The following IL5RA variants were observed in gnomAD, a reference collection of about 807,000 sequenced individuals.
IL5RA encodes the protein interleukin 5 receptor subunit alpha.
IL5RA carries 49 observed loss-of-function variants against 50.0 expected under a neutral mutation model. The ratio of observed to expected loss-of-function variants is 0.98; its 90% CI spans 0.78 to 1.24. The LOEUF is 1.24. Ranked by LOEUF, IL5RA falls within the 50% of genes most tolerant of loss-of-function variation. The probability of loss-of-function intolerance (pLI) is 0.00; values close to 1 mark genes in which losing one functional copy is unlikely to be tolerated. For missense variants in IL5RA, 600 were observed against 500.4 expected (o/e 1.20, Z -1.90); for synonymous variants, 202 against 174.0 (o/e 1.16, Z -1.26).
At chr3:3,098,953 A>T (rs181304203) in intron 5 of IL5RA, among the ~76,000 whole-genome samples, 2 of 152,272 alleles carry the variant, frequency 1.3e-5, no homozygotes, top group East Asian at 3.9e-4. Flanking sequence ...TAGCTGTGAG[A>T]CATTGACCCC....
In IL5RA at chr3:3,098,157, C is replaced by T. The variant is rs767486437; in HGVS notation, c.501G>A (p.Thr167=). Residue 167 remains threonine, a synonymous_variant, in exon 6 of 12, where the codon ACG becomes ACA. Coordinates refer to ENST00000446632, the MANE Select transcript of IL5RA (RefSeq NM_175726.4). The part of the protein sequence containing the change: ...WLVGTDAPED[T]QYFLYYRYGS... ...CTAACCTATAGTAGAGAAAATACTGCGTGTCCTCAGGGGCATCTGTGCCAA... is the reference window on the plus strand; with the variant it reads ...CTAACCTATAGTAGAGAAAATACTGTGTGTCCTCAGGGGCATCTGTGCCAA... 3.7e-5 allele frequency: 60 copies of T among 1,614,104 alleles called. No individual in the cohort carries two copies. The highest frequency in any genetic ancestry group is 4.8e-5 in the Non-Finnish European group (57 of 1,180,018).
chr3:3,086,864 A>G (rs935587672), intron 9 of IL5RA, among the ~76,000 whole-genome samples: 6 of 152,366 alleles, frequency 3.9e-5, no homozygotes, highest in Middle Eastern at 3.4e-3. Flanking sequence ...AAACATACAC[A>G]ATGAAATACT....
In IL5RA at chr3:3,099,600, G is replaced by A. The variant is rs565873502; in HGVS notation, c.368-1310C>T. Among the ~76,000 whole-genome samples the A allele has an allele frequency of 3.3e-5, 5 of 151,996 alleles. No homozygotes were observed. In the East Asian group the frequency reaches 9.7e-4, roughly 29 times the overall value. ...ACCAAGATCATACCACTACACTCCA[G>A]CCTGGGCAACAGAGTGAGACCCTGT... On this transcript the variant is annotated intron_variant, in intron 5 of 11. Coordinates refer to ENST00000446632, the MANE Select transcript of IL5RA (RefSeq NM_175726.4).
rs763670010 is a variant in IL5RA, at chr3:3,074,907, T to C, written c.1092-41A>G. On this transcript the variant is annotated intron_variant, in intron 10 of 11. Coordinates refer to ENST00000446632, the MANE Select transcript of IL5RA (RefSeq NM_175726.4). ...AGAAGGAATTAGGTGAGCATGAGTATACCTTTTGTCTCTAAATATCTACTC... is the reference window on the plus strand; with the variant it reads ...AGAAGGAATTAGGTGAGCATGAGTACACCTTTTGTCTCTAAATATCTACTC... 4.9e-6 allele frequency: 6 copies of C among 1,219,820 alleles called. No individual in the cohort carries two copies. In the Admixed American group the frequency reaches 1.0e-4, roughly 21 times the overall value. The allele number at this position is 1,219,820 out of a possible 1,614,324, so 75.6% of individuals were successfully genotyped here.
chr3:3,076,382 A>G lies in IL5RA; in HGVS notation c.1091+149T>C, dbSNP rs1392821320. On this transcript the variant is annotated intron_variant, in intron 10 of 11. Coordinates refer to ENST00000446632, the MANE Select transcript of IL5RA (RefSeq NM_175726.4). ...GACATTTCCACTTTTGATTTGGCCTACACTCATCTTGGACAGGTCATCTAG... is the reference window on the plus strand; with the variant it reads ...GACATTTCCACTTTTGATTTGGCCTGCACTCATCTTGGACAGGTCATCTAG... 4.9e-6 allele frequency: 3 copies of G among 610,562 alleles called. No individual in the cohort carries two copies. The African/African-American group carries it at 5.6e-5, about 11-fold the overall frequency. The allele number at this position is 610,562 out of a possible 1,614,324, so 37.8% of individuals were successfully genotyped here.
chr3:3,096,758 T>C (rs912180801), intron 7 of IL5RA, among the ~76,000 whole-genome samples: 3 of 152,226 alleles, frequency 2.0e-5, no homozygotes, highest in Admixed American at 6.5e-5. Flanking sequence ...GCATAACCTC[T>C]TTAGTAAGGG....
At chr3:3,097,266 G>A (rs1703408583) in intron 7 of IL5RA, among the ~76,000 whole-genome samples, 1 of 152,162 alleles carries the variant, frequency 6.6e-6, no homozygotes, top group African/African-American at 2.4e-5. Flanking sequence ...CCAGGAGATG[G>A]GCCAGAACAG....
chr3:3,106,840 G>A (rs146434348), intron 2 of IL5RA, among the ~76,000 whole-genome samples: 2 of 152,170 alleles, frequency 1.3e-5, no homozygotes, highest in African/African-American at 4.8e-5. Context: ...AGAAAAAACT[G>A]CAAAATTAAT....
intron 3 of IL5RA, among the ~76,000 whole-genome samples, chr3:3,103,699 T>C (rs866848059): frequency 2.2e-4 from 34 of 152,294 alleles, no homozygotes; most frequent in Middle Eastern, 6.8e-3. Context: ...TGAAGAAATT[T>C]TGGAAAACAC....
intron 5 of IL5RA, among the ~76,000 whole-genome samples, chr3:3,099,267 G>A (rs1004412848): frequency 5.9e-5 from 9 of 152,156 alleles, no homozygotes; most frequent in South Asian, 2.1e-4. Context: ...AGGCCAAGGC[G>A]GGTGGATATC....
chr3:3,085,248 A>G (rs1702808055), intron 9 of IL5RA, among the ~76,000 whole-genome samples: 1 of 152,208 alleles, frequency 6.6e-6, no homozygotes, highest in African/African-American at 2.4e-5. Context: ...TCATGTTGTT[A>G]TTGGGTCAAC....
chr3:3,105,223 A>G (rs75382136), intron 2 of IL5RA, among the ~76,000 whole-genome samples: 1 of 152,182 alleles, frequency 6.6e-6, no homozygotes, highest in East Asian at 1.9e-4. Flanking sequence ...CAGTTGAAAA[A>G]CTGCCTCAGT....
At chr3:3,082,163 G>A (rs934903106) in intron 9 of IL5RA, among the ~76,000 whole-genome samples, 1 of 152,132 alleles carries the variant, frequency 6.6e-6, no homozygotes, top group African/African-American at 2.4e-5. Flanking sequence ...CCCACTGAGA[G>A]TATACATTCT....
chr3:3,096,164 G>A (rs1035606548), intron 7 of IL5RA, among the ~76,000 whole-genome samples: 2 of 151,840 alleles, frequency 1.3e-5, no homozygotes, highest in Non-Finnish European at 2.9e-5. Flanking sequence ...TGTAGTCCCA[G>A]CTACTCAGGA....
intron 5 of IL5RA, among the ~76,000 whole-genome samples, chr3:3,100,179 G>A (rs1260091992): frequency 1.9e-5 from 1 of 52,926 alleles, no homozygotes; most frequent in Non-Finnish European, 3.6e-5. Flanking sequence ...CATTCAAGTG[G>A]GAGCCTTGAG....
At chr3:3,101,954 G>T in intron 4 of IL5RA, 124 bp from the exon 5 acceptor site, 1 of 912,946 alleles carries the variant, frequency 1.1e-6, no homozygotes, top group East Asian at 2.8e-5. Context: ...AAATAGTTTT[G>T]CTAGAAAAAA....
intron 4 of IL5RA, 93 bp from the exon 5 acceptor site, chr3:3,101,923 AATG>A: frequency 1.8e-6 from 2 of 1,123,100 alleles, no homozygotes; most frequent in Non-Finnish European, 2.5e-6. Context: ...CTACTTTTTA[AATG>A]ATTAGTAAGA....
rs541525701 is a variant in IL5RA, at chr3:3,092,085, G to C, written c.994+139C>G. ...GGCAAATCTATTCCTGATTGAAAAG[G>C]CAGTAGACCGAGAGAAAATTAGTCA... On this transcript the variant is annotated intron_variant, in intron 9 of 11. Transcript: ENST00000446632. This position sits in a 1 kb window ranked among gnomAD's most constrained non-coding sequence, Gnocchi z 4.2. 1.3e-5 allele frequency: 19 copies of C among 1,435,398 alleles called. No homozygotes were observed. Among genetic ancestry groups the C allele is most frequent in the Admixed American group, 8.8e-5 (3 of 34,264 alleles). 88.9% of individuals were successfully genotyped at this position (1,435,398 alleles called of 1,614,324 possible).
Position 3,101,966 on chromosome 3 carries a change from G to A in IL5RA, c.229-136C>T, listed in dbSNP as rs1021167967. ...ATGAAATAGTTTTGCTAGAAAAAAA[G>A]TCAAAACAAAACCATTGTAATAACA... On this transcript the variant is annotated intron_variant, in intron 4 of 11. Coordinates refer to ENST00000446632, the MANE Select transcript of IL5RA (RefSeq NM_175726.4). 7 of 786,198 alleles carry A rather than the reference G, an allele frequency of 8.9e-6. No individual in the cohort carries two copies. The Admixed American group carries it at 2.2e-4, about 25-fold the overall frequency. 48.7% of individuals were successfully genotyped at this position (786,198 alleles called of 1,614,324 possible).
Sources: gnomAD v4.1 joint callset for allele counts (sites outside exome capture counted in the v4.1 genomes callset) on GRCh38, gnomAD v4.1.1 for gene constraint, Gnocchi (gnomAD v3.1) non-coding constraint, MANE v1.5 for transcripts, NCBI Gene and HGNC (gene_info 2026-07-23, HGNC 2026-07-21) for gene names.